The following RGS12 variants were observed in gnomAD, a reference collection of about 807,000 sequenced individuals.
The protein encoded by RGS12 is regulator of G-protein signaling 12.
Under a neutral mutation model 120.1 loss-of-function variants are expected in RGS12, and 66 were observed. The observed-to-expected ratio is 0.55, with a 90% CI of 0.45 to 0.67. RGS12 has a LOEUF of 0.67. Among genes scored for constraint, RGS12 ranks in the 30% least tolerant of loss-of-function variants. The pLI, the probability that RGS12 is intolerant of heterozygous loss-of-function variation, is 0.00. For missense variants in RGS12, 1,859 were observed against 1,957.7 expected (o/e 0.95, Z 0.95); for synonymous variants, 827 against 804.7 (o/e 1.03, Z -0.47).
At chr4:3,409,764 G>A (rs576872098) in intron 4 of RGS12, among the ~76,000 whole-genome samples, 71 of 152,324 alleles carry the variant, frequency 4.7e-4, no homozygotes, top group Admixed American at 1.5e-3. Context: ...CAGCAACCGT[G>A]GGGGGTTGAG....
chr4:3,327,451 T>G (rs570787170), intron 2 of RGS12, among the ~76,000 whole-genome samples: 1 of 152,176 alleles, frequency 6.6e-6, no homozygotes, highest in Non-Finnish European at 1.5e-5. Flanking sequence ...TTAAAGAACT[T>G]CTGCACAGCA....
intron 3 of RGS12, among the ~76,000 whole-genome samples, chr4:3,368,629 TGTG>T (rs1716633775): frequency 1.0e-5 from 1 of 99,450 alleles, no homozygotes; most frequent in Admixed American, 1.3e-4. Flanking sequence ...GGGGGGTACA[TGTG>T]TGTGTGTGGT....
In RGS12 at chr4:3,401,117, C is replaced by T. The variant is rs969154259; in HGVS notation, c.2021-12955C>T. Among the ~76,000 whole-genome samples, 9 of 152,272 alleles carry T rather than the reference C, an allele frequency of 5.9e-5. 1 individual carries two copies. In the South Asian group the frequency reaches 8.3e-4, roughly 14 times the overall value. On this transcript the variant is annotated intron_variant, in intron 4 of 17. Coordinates refer to ENST00000336727, the MANE Select transcript of RGS12 (RefSeq NM_001394154.1). ...CAGAGTTCAGTGAGATCAACCCTGG[C>T]GGCTTTCCTAAGCAAAACACATGAT...
intron 4 of RGS12, chr4:3,407,251 G>A (rs551125513): frequency 6.6e-6 from 1 of 152,350 alleles, no homozygotes; most frequent in South Asian, 2.1e-4. Flanking sequence ...AGCAGCTGAG[G>A]GGCTGCTGTG....
chr4:3,423,584 G>T lies in RGS12; in HGVS notation c.3177G>T (p.Val1059=), dbSNP rs767497674. ...KAKPTKPVTE[V]LRPVVARYGL... is the part of the protein sequence containing the mutation. ...AGCCCACCAAGCCCGTCACGGAGGT[G>T]CTGCGGCCCGTGGTGGCCAGATACG... The change falls in exon 13 of 18, where the codon GTG becomes GTT. Residue 1059 remains valine (V), a synonymous_variant. Transcript: ENST00000336727. 8 of 1,612,526 alleles carry T rather than the reference G, an allele frequency of 5.0e-6. No homozygotes were observed. The African/African-American group carries it at 6.7e-5, about 13-fold the overall frequency.
At chr4:3,392,967 G>T (rs1719659502) in intron 4 of RGS12, among the ~76,000 whole-genome samples, 1 of 152,168 alleles carries the variant, frequency 6.6e-6, no homozygotes, top group South Asian at 2.1e-4. Context: ...CAGCCTGGGG[G>T]CAGAGTGAGA....
Position 3,317,917 on chromosome 4 carries a change from C to T in RGS12, c.1747C>T (p.Arg583Cys). The T allele has an allele frequency of 1.9e-6, 3 of 1,614,158 alleles. No individual in the cohort carries two copies. Among genetic ancestry groups the T allele is most frequent in the South Asian group, 1.1e-5 (1 of 91,084 alleles). ...PPPMSKIPAD[R>C]YRVEGSFAQP... ...TCCTATGAGCAAGATCCCCGCAGACCGCTACAGGGTGGAGGGCAGCTTCGC... is the reference window on the plus strand; with the variant it reads ...TCCTATGAGCAAGATCCCCGCAGACTGCTACAGGGTGGAGGGCAGCTTCGC... Residue 583 changes from arginine (R) to cysteine (C), a missense_variant, in exon 2 of 18, where the codon CGC becomes TGC. By Grantham distance (180) the Arg-to-Cys change is radical (BLOSUM62 -3). Coordinates refer to ENST00000336727, the MANE Select transcript of RGS12 (RefSeq NM_001394154.1).
intron 3 of RGS12, among the ~76,000 whole-genome samples, chr4:3,361,661 G>C (rs140606237): frequency 1.3e-5 from 2 of 152,186 alleles, no homozygotes; most frequent in South Asian, 2.1e-4. Context: ...AGGAGCTCCC[G>C]AGGCAAGAGG....
chr4:3,368,532 TGTGTGTGGGGTAC>T (rs1318256405), intron 3 of RGS12, among the ~76,000 whole-genome samples: 9 of 105,422 alleles, frequency 8.5e-5, no homozygotes, highest in African/African-American at 3.0e-4. Flanking sequence ...GGGGTACGTG[TGTGTGTGGGGTAC>T]GTGTGTGGGG....
At chr4:3,353,811 C>T (rs2749775) in intron 3 of RGS12, among the ~76,000 whole-genome samples, 34,534 of 151,994 alleles carry the variant, frequency 0.23, 4,516 homozygotes, top group South Asian at 0.35. Context: ...TTCCATACGC[C>T]CCCTCTTTAT....
At chr4:3,291,858 C>T (rs1437986659), upstream of RGS12, among the ~76,000 whole-genome samples, 1 of 152,208 alleles carries the variant, frequency 6.6e-6, no homozygotes, top group Non-Finnish European at 1.5e-5. Context: ...TCCCGGACCG[C>T]GCCTCTGCCA....
intron 2 of RGS12, among the ~76,000 whole-genome samples, chr4:3,328,483 TCAG>T (rs1240503300): frequency 6.6e-6 from 1 of 152,200 alleles, no homozygotes; most frequent in Non-Finnish European, 1.5e-5. Flanking sequence ...CTGTGCTACC[TCAG>T]GACTCTGTAG....
intron 4 of RGS12, among the ~76,000 whole-genome samples, chr4:3,400,838 A>T (rs1414100409): frequency 6.7e-6 from 1 of 149,614 alleles, no homozygotes; most frequent in African/African-American, 2.4e-5. Flanking sequence ...AATACATATA[A>T]TAATAATTAT....
chr4:3,351,786 T>G (rs1560106366), intron 3 of RGS12, among the ~76,000 whole-genome samples: 1 of 152,144 alleles, frequency 6.6e-6, no homozygotes, highest in Non-Finnish European at 1.5e-5. Flanking sequence ...GCCAGAGTCC[T>G]AGAAGACTTG....
chr4:3,324,970 G>T (rs371580365), intron 2 of RGS12, among the ~76,000 whole-genome samples: 2 of 152,120 alleles, frequency 1.3e-5, no homozygotes. Context: ...CTACCTGATT[G>T]TAGGCCTTTT....
intron 3 of RGS12, among the ~76,000 whole-genome samples, chr4:3,368,062 C>T (rs1178424025): frequency 1.3e-5 from 2 of 152,198 alleles, no homozygotes; most frequent in Non-Finnish European, 2.9e-5. Flanking sequence ...CAGCAGAAGG[C>T]CCCACGCATG....
At chr4:3,335,620 C>T (rs1396451977) in intron 2 of RGS12, among the ~76,000 whole-genome samples, 2 of 152,278 alleles carry the variant, frequency 1.3e-5, no homozygotes, top group Admixed American at 6.5e-5. Flanking sequence ...GCAGTTTGCC[C>T]AGCTCATTGC....
In RGS12 at chr4:3,316,960, G is replaced by T. The variant is rs1376221107; in HGVS notation, c.790G>T (p.Ala264Ser). The stretch of plus-strand genomic sequence containing the variant: ...CCGCGGCTGCATGCGGCGCCTGCGG[G>T]CAGAGCAGAAAATCCACTCGCTGGT... ...AIRGCMRRLR[A>S]EQKIHSLVTM... Residue 264 changes from alanine to serine, a missense_variant, in exon 2 of 18, where the codon GCA (alanine) becomes TCA (serine). Transcript: ENST00000336727. The T allele has an allele frequency of 6.2e-7, 1 of 1,613,920 alleles. No individual in the cohort carries two copies. Among genetic ancestry groups the T allele is most frequent in the South Asian group, 1.1e-5 (1 of 91,092 alleles).
intron 4 of RGS12, among the ~76,000 whole-genome samples, chr4:3,409,457 A>G (rs1266657748): frequency 6.6e-6 from 1 of 152,266 alleles, no homozygotes; most frequent in Non-Finnish European, 1.5e-5. Context: ...TCAATACACC[A>G]GTCATCTTTC....
Sources: allele counts gnomAD v4.1 joint callset (sites outside exome capture counted in the v4.1 genomes callset), GRCh38; gene constraint gnomAD v4.1.1; transcripts MANE v1.5; gene names NCBI Gene and HGNC (gene_info 2026-07-23, HGNC 2026-07-21).